GCNT1: variants seen among roughly 807,000 people sequenced by gnomAD.
The protein encoded by GCNT1 is beta-1,3-galactosyl-O-glycosyl-glycoprotein beta-1,6-N-acetylglucosaminyltransferase.
Under a neutral mutation model 26.2 loss-of-function variants are expected in GCNT1, and 16 were observed. That is an observed-to-expected ratio of 0.61 (90% CI 0.41 to 0.93). The LOEUF (loss-of-function observed/expected upper bound fraction) is 0.93, where lower values mean the gene tolerates loss of function less well. GCNT1 is among the 40% of genes least tolerant of loss of function. The probability of loss-of-function intolerance (pLI) is 0.00; values close to 1 mark genes in which losing one functional copy is unlikely to be tolerated. For missense variants in GCNT1, 477 were observed against 526.7 expected, an observed-to-expected ratio of 0.91 and a Z score of 0.92; for synonymous variants, 183 against 190.8, an observed-to-expected ratio of 0.96 and a Z score of 0.34.
In GCNT1 at chr9:76,503,744, C is replaced by A; in HGVS notation, c.*76C>A. ...TTATCTGTTTCCCCTTCCTTGTCAG[C>A]ATCGGGAAGATGGTATGAAGTCCTC... On this transcript the variant is annotated 3_prime_UTR_variant, in exon 4 of 4. Transcript: ENST00000376730. 1 of 1,228,272 alleles carries A rather than the reference C, an allele frequency of 8.1e-7. No homozygotes were observed. Among genetic ancestry groups the A allele is most frequent in the Non-Finnish European group, 1.2e-6 (1 of 841,834 alleles). The allele number at this position is 1,228,272 out of a possible 1,614,324, so 76.1% of individuals were successfully genotyped here. A position where few individuals can be genotyped will look rare whatever the true frequency, so the allele number is the denominator to read the frequency against.
rs117442671 is a variant in GCNT1 at position 76,483,737 on chromosome 9, A to C, written c.-289-17179A>C. ...CACACCTGACCATTAAGGAGGGTTT[A>C]ATTCTCTTTCAACCAAAACCCTCCA... is the stretch of plus-strand genomic sequence containing the variant. On this transcript the variant is annotated intron_variant, in intron 2 of 3. Coordinates refer to ENST00000376730, the MANE Select transcript of GCNT1 (RefSeq NM_001490.5). 9.6e-4 allele frequency among the ~76,000 whole-genome samples: 146 copies of C among 152,128 alleles called. 1 individual carries two copies. The East Asian group carries it at 0.019, about 19-fold the overall frequency.
At chr9:76,431,973 G>A (rs1010669651) in intron 1 of GCNT1, among the ~76,000 whole-genome samples, 3 of 152,268 alleles carry the variant, frequency 2.0e-5, no homozygotes, top group Non-Finnish European at 2.9e-5. Context: ...GCCGGGTGTG[G>A]TCATGGGCAC....
the GCNT1 span, among the ~76,000 whole-genome samples, chr9:76,410,346 C>T: frequency 1.1e-4 from 16 of 152,242 alleles, no homozygotes; most frequent in Admixed American, 2.0e-4. Flanking sequence ...GCAGGAGAAT[C>T]GCTTGAACCC....
intron 2 of GCNT1, among the ~76,000 whole-genome samples, chr9:76,474,299 C>A (rs1824208941): frequency 6.6e-6 from 1 of 151,940 alleles, no homozygotes; most frequent in Admixed American, 6.6e-5. Context: ...TTACTGGGGA[C>A]AGTATAAGTA....
At chr9:76,451,948 C>CTTTTTTTTTTTTTTTTTTTT (rs747978017) in intron 1 of GCNT1, among the ~76,000 whole-genome samples, 8 of 98,366 alleles carry the variant, frequency 8.1e-5, no homozygotes, top group East Asian at 2.4e-4. Flanking sequence ...TTCTTTCTTT[C>CTTTTTTTTTTTTTTTTTTTT]TTTTTTTTTT....
At chr9:76,492,850 C>T (rs534527441) in intron 2 of GCNT1, among the ~76,000 whole-genome samples, 65 of 151,926 alleles carry the variant, frequency 4.3e-4, no homozygotes, top group Non-Finnish European at 8.4e-4. Flanking sequence ...TCTCTGATCC[C>T]GCTTTTCCTT....
intron 2 of GCNT1, among the ~76,000 whole-genome samples, chr9:76,469,818 C>T (rs141547786): frequency 0.027 from 4,150 of 152,196 alleles, 169 homozygotes; most frequent in African/African-American, 0.095. Flanking sequence ...GGTTCTCTTC[C>T]ATGACCCATG....
intron 2 of GCNT1, among the ~76,000 whole-genome samples, chr9:76,475,087 A>G (rs1012263845): frequency 2.0e-5 from 3 of 152,208 alleles, no homozygotes; most frequent in Admixed American, 2.0e-4. Context: ...TTCTCTGAAC[A>G]TACTGAGGTG....
At chr9:76,466,408 T>A (rs1379407664) in intron 2 of GCNT1, among the ~76,000 whole-genome samples, 1 of 152,220 alleles carries the variant, frequency 6.6e-6, no homozygotes, top group Non-Finnish European at 1.5e-5. Flanking sequence ...GCTCATGCCA[T>A]CCTCTCACCT....
intron 2 of GCNT1, among the ~76,000 whole-genome samples, chr9:76,499,532 T>C (rs1190857558): frequency 1.3e-5 from 2 of 152,236 alleles, no homozygotes; most frequent in Non-Finnish European, 1.5e-5. Flanking sequence ...ATAATCACTT[T>C]TCTTTAACAT....
intron 1 of GCNT1, among the ~76,000 whole-genome samples, chr9:76,431,732 C>G (rs1823340065): frequency 6.6e-6 from 1 of 152,198 alleles, no homozygotes; most frequent in Admixed American, 6.5e-5. Flanking sequence ...AGCGGTTGGT[C>G]TTTCCAGTGA....
chr9:76,481,201 G>A (rs539946340), intron 2 of GCNT1, among the ~76,000 whole-genome samples: 10 of 152,064 alleles, frequency 6.6e-5, no homozygotes, highest in Admixed American at 1.3e-4. Flanking sequence ...GCAAGACTCC[G>A]TCTCAAAATA....
chr9:76,431,342 C>T lies in GCNT1; in HGVS notation n.38+11455C>T, dbSNP rs545435779. The stretch of plus-strand genomic sequence containing the variant: ...CAGGTCATCCATACTCTGACCTACT[C>T]GCTACAGATTTGGGGGTCCCATGAT... On this transcript the variant is annotated intron_variant and non_coding_transcript_variant, in intron 1 of 3. Coordinates refer to the GCNT1 transcript ENST00000488136. 8.5e-5 allele frequency among the ~76,000 whole-genome samples: 13 copies of T among 152,292 alleles called. No homozygotes were observed. The East Asian group carries it at 2.5e-3, about 29-fold the overall frequency.
intron 2 of GCNT1, among the ~76,000 whole-genome samples, chr9:76,494,096 G>A (rs776547336): frequency 6.6e-5 from 10 of 151,892 alleles, no homozygotes; most frequent in African/African-American, 9.7e-5. Context: ...AACCCATAAC[G>A]GTCCCTGGAC....
In GCNT1 at chr9:76,503,837, G is replaced by C; in HGVS notation, c.*169G>C. 1.6e-6 allele frequency: 1 copy of C among 626,582 alleles called. No homozygotes were observed. The highest frequency in any genetic ancestry group is 2.9e-6 in the Non-Finnish European group (1 of 345,580). 38.8% of individuals were successfully genotyped at this position (626,582 alleles called of 1,614,324 possible). A position where few individuals can be genotyped will look rare whatever the true frequency, so the allele number is the denominator to read the frequency against. On this transcript the variant is annotated 3_prime_UTR_variant, in exon 4 of 4. Coordinates refer to ENST00000376730, the MANE Select transcript of GCNT1 (RefSeq NM_001490.5). ...GCATGGTTTCTGCAGAGCACAGTTA[G>C]CTAGAAAGGTGATAGCATTAAATGT...
chr9:76,445,323 G>C (rs1823557634), intron 1 of GCNT1, among the ~76,000 whole-genome samples: 1 of 152,086 alleles, frequency 6.6e-6, no homozygotes, highest in Admixed American at 6.6e-5. Context: ...TGTATGAAAA[G>C]ATGTGGTACC....
the GCNT1 span, among the ~76,000 whole-genome samples, chr9:76,406,511 A>AAAAG: frequency 0.015 from 2,193 of 149,490 alleles, 66 homozygotes; most frequent in African/African-American, 0.051. Context: ...AAAAAAAAAA[A>AAAAG]AAAGAAAGAA....
At chr9:76,415,699 A>G (rs1361318622), upstream of GCNT1, among the ~76,000 whole-genome samples, 2 of 152,246 alleles carry the variant, frequency 1.3e-5, no homozygotes, top group Non-Finnish European at 2.9e-5. Context: ...TCAATGCCAA[A>G]GCACATGTGA....
In GCNT1 at chr9:76,426,373, T is replaced by G. The variant is rs149089003; in HGVS notation, n.38+6486T>G. ...GCTTGAGCCCAGCAGTTCAAGACCA[T>G]CCTGGGCAACATGGCGAAGCCCTGT... is the stretch of plus-strand genomic sequence containing the variant. On this transcript the variant is annotated intron_variant and non_coding_transcript_variant, in intron 1 of 3. Transcript: ENST00000488136. 2.6e-3 allele frequency among the ~76,000 whole-genome samples: 400 copies of G among 152,084 alleles called. 1 individual carries two copies. The highest frequency in any genetic ancestry group is 9.3e-3 in the African/African-American group (386 of 41,506).
Sources: allele counts gnomAD v4.1 joint callset (sites outside exome capture counted in the v4.1 genomes callset), GRCh38; gene constraint gnomAD v4.1.1; transcripts MANE v1.5; gene names NCBI Gene and HGNC (gene_info 2026-07-23, HGNC 2026-07-21).